Variants in MAGI1 observed in about 807,000 individuals in gnomAD.
MAGI1 encodes membrane associated guanylate kinase, WW and PDZ domain containing 1.
MAGI1 carries 58 observed loss-of-function variants against 139.9 expected under a neutral mutation model. The observed-to-expected ratio is 0.41, with a 90% CI of 0.34 to 0.52. The LOEUF is 0.52. Among genes scored for constraint, MAGI1 ranks in the 20% least tolerant of loss-of-function variants. The pLI is 0.12. For missense variants in MAGI1, 1,874 were observed against 1,901.6 expected (o/e 0.99, Z 0.27); for synonymous variants, 812 against 737.9 (o/e 1.10, Z -1.63).
At chr3:65,987,439 T>C (rs1008324791) in intron 1 of MAGI1, among the ~76,000 whole-genome samples, 2 of 152,130 alleles carry the variant, frequency 1.3e-5, no homozygotes, top group Non-Finnish European at 2.9e-5. Flanking sequence ...AGCTAAGATG[T>C]AGGTAACTGC....
At chr3:65,983,246 T>C (rs902452628) in intron 1 of MAGI1, among the ~76,000 whole-genome samples, 1 of 152,262 alleles carries the variant, frequency 6.6e-6, no homozygotes, top group Non-Finnish European at 1.5e-5. Context: ...TCTTTATATG[T>C]GCATATAATT....
At chr3:65,423,917 C>G (rs554021106) in intron 12 of MAGI1, among the ~76,000 whole-genome samples, 5 of 152,174 alleles carry the variant, frequency 3.3e-5, no homozygotes, top group Non-Finnish European at 7.3e-5. Flanking sequence ...TTGCTTTATA[C>G]TAATTTATAC....
chr3:65,938,634 A>G (rs1006808841), intron 1 of MAGI1, among the ~76,000 whole-genome samples: 2 of 152,222 alleles, frequency 1.3e-5, no homozygotes, highest in African/African-American at 2.4e-5. Flanking sequence ...ATTAAAATAA[A>G]GTATCAAGCA....
chr3:65,388,466 T>G (rs570495722), intron 14 of MAGI1, among the ~76,000 whole-genome samples: 1 of 152,180 alleles, frequency 6.6e-6, no homozygotes, highest in East Asian at 1.9e-4. Context: ...GGCTATACAC[T>G]TTTTTCTCTT....
intron 5 of MAGI1, among the ~76,000 whole-genome samples, chr3:65,461,485 G>A (rs1005844510): frequency 1.1e-5 from 1 of 93,366 alleles, no homozygotes; most frequent in Non-Finnish European, 2.2e-5. Flanking sequence ...AATGTTTCTT[G>A]ACTTTTTTTT....
chr3:65,849,552 C>T (rs138969379), intron 1 of MAGI1, among the ~76,000 whole-genome samples: 3 of 150,566 alleles, frequency 2.0e-5, no homozygotes, highest in African/African-American at 4.9e-5. Context: ...CATATATACA[C>T]ATATATATAT....
chr3:65,999,633 C>G (rs187184846), intron 1 of MAGI1, among the ~76,000 whole-genome samples: 198 of 152,266 alleles, frequency 1.3e-3, no homozygotes, highest in South Asian at 3.3e-3. Context: ...AAATCACTTT[C>G]TACACATGGT....
intron 2 of MAGI1, among the ~76,000 whole-genome samples, chr3:65,573,661 T>G (rs77073955): frequency 0.063 from 9,584 of 152,178 alleles, 590 homozygotes; most frequent in African/African-American, 0.16. Flanking sequence ...AGTGAATGTT[T>G]TTTCCCTAAA....
intron 5 of MAGI1, among the ~76,000 whole-genome samples, chr3:65,468,331 A>G (rs905676148): frequency 1.3e-5 from 2 of 148,718 alleles, no homozygotes; most frequent in African/African-American, 2.5e-5. Flanking sequence ...CACTTATCTC[A>G]GAACTCTTCC....
intron 1 of MAGI1, among the ~76,000 whole-genome samples, chr3:65,842,695 G>A (rs2058849729): frequency 6.6e-6 from 1 of 152,090 alleles, no homozygotes; most frequent in African/African-American, 2.4e-5. Flanking sequence ...ATTTAATCTG[G>A]CTGAAACAAA....
chr3:65,436,481 T>G lies in MAGI1; in HGVS notation c.1363+674A>C, dbSNP rs565633606. 3.3e-5 allele frequency among the ~76,000 whole-genome samples: 5 copies of G among 152,266 alleles called. No individual in the cohort carries two copies. The South Asian group carries it at 1.0e-3, about 32-fold the overall frequency. On this transcript the variant is annotated intron_variant, in intron 10 of 22. Transcript: ENST00000402939. ...AAAGGCCTCATCCTATGTGTGAATG[T>G]AAACAAACAAGACCTATTGAAACGT...
chr3:65,907,393 A>G (rs1465797300), intron 1 of MAGI1, among the ~76,000 whole-genome samples: 6 of 152,310 alleles, frequency 3.9e-5, no homozygotes, highest in South Asian at 4.1e-4. Context: ...GACAAAACCA[A>G]GACTTAAACC....
chr3:65,865,282 C>T (rs2059683925), intron 1 of MAGI1, among the ~76,000 whole-genome samples: 2 of 152,094 alleles, frequency 1.3e-5, no homozygotes, highest in Admixed American at 1.3e-4. Flanking sequence ...CAGAAAAATC[C>T]TAAACGGCAC....
chr3:65,810,546 C>T (rs1001977886), intron 1 of MAGI1, among the ~76,000 whole-genome samples: 1 of 152,236 alleles, frequency 6.6e-6, no homozygotes. Context: ...TCCAGCGTGG[C>T]TCCCTGGAGA....
chr3:65,790,226 T>C (rs2039667575), intron 1 of MAGI1, among the ~76,000 whole-genome samples: 1 of 152,148 alleles, frequency 6.6e-6, no homozygotes, highest in Non-Finnish European at 1.5e-5. Flanking sequence ...TAAAAAGAAC[T>C]ATAAGACCAC....
At chr3:65,510,520 G>A (rs2107748360) in intron 2 of MAGI1, among the ~76,000 whole-genome samples, 1 of 149,822 alleles carries the variant, frequency 6.7e-6, no homozygotes, top group East Asian at 2.0e-4. Context: ...GAAGCCCCAG[G>A]AGCCGATGCG....
intron 1 of MAGI1, among the ~76,000 whole-genome samples, chr3:65,665,149 G>C (rs1576647801): frequency 6.6e-6 from 1 of 152,312 alleles, no homozygotes; most frequent in East Asian, 1.9e-4. Context: ...GTCACACTCA[G>C]CAAATTTCCT....
At chr3:65,803,377 T>G (rs1239442378) in intron 1 of MAGI1, among the ~76,000 whole-genome samples, 1 of 152,144 alleles carries the variant, frequency 6.6e-6, no homozygotes, top group Non-Finnish European at 1.5e-5. Context: ...GCTTAAATAA[T>G]TTTCCTTTAC....
intron 2 of MAGI1, among the ~76,000 whole-genome samples, chr3:65,590,918 A>G: frequency 6.6e-6 from 1 of 152,332 alleles, no homozygotes; most frequent in African/African-American, 2.4e-5. Flanking sequence ...GCTGATGAGA[A>G]TGTAAATTAT....
Sources: gnomAD v4.1 joint callset for allele counts (sites outside exome capture counted in the v4.1 genomes callset) on GRCh38, gnomAD v4.1.1 for gene constraint, MANE v1.5 for transcripts, NCBI Gene and HGNC (gene_info 2026-07-23, HGNC 2026-07-21) for gene names.